Variants in ABLIM1 observed in about 807,000 individuals in gnomAD.
The protein encoded by ABLIM1 is actin-binding LIM protein 1.
ABLIM1 carries 40 observed loss-of-function variants against 107.0 expected under a neutral mutation model. That is an observed-to-expected ratio of 0.37 (90% CI 0.29 to 0.49). The LOEUF is 0.49. Ranked by LOEUF, ABLIM1 falls within the 20% of genes least tolerant of loss-of-function variation. The probability of loss-of-function intolerance (pLI) is 0.97; values close to 1 mark genes in which losing one functional copy is unlikely to be tolerated. For synonymous variants in ABLIM1, 357 were observed against 357.3 expected, an observed-to-expected ratio of 1.00 and a Z score of 0.01; for missense variants, 857 against 1,008.5, an observed-to-expected ratio of 0.85 and a Z score of 2.04.
intron 1 of ABLIM1, among the ~76,000 whole-genome samples, chr10:114,716,232 CAGA>C (rs1185686396): frequency 2.0e-5 from 3 of 152,168 alleles, no homozygotes; most frequent in African/African-American, 4.8e-5. Context: ...GGAGAAAATA[CAGA>C]AGCTTTTGTC....
At chr10:114,470,313 C>T (rs746338997) in intron 10 of ABLIM1, among the ~76,000 whole-genome samples, 2 of 149,484 alleles carry the variant, frequency 1.3e-5, no homozygotes, top group Non-Finnish European at 3.0e-5. Flanking sequence ...GTCTCAGCTA[C>T]TTGGGAAGCT....
At chr10:114,632,362 A>G (rs1339308637) in intron 1 of ABLIM1, 3 of 985,456 alleles carry the variant, frequency 3.0e-6, no homozygotes, top group East Asian at 1.1e-4. Flanking sequence ...AGGACCGAGC[A>G]CCAGCTAGAG....
intron 1 of ABLIM1, among the ~76,000 whole-genome samples, chr10:114,750,098 C>A (rs2082478455): frequency 6.6e-6 from 1 of 152,072 alleles, no homozygotes; most frequent in African/African-American, 2.4e-5. Context: ...CTGTTGTGTG[C>A]ACTGCTACAG....
the ABLIM1 span, among the ~76,000 whole-genome samples, chr10:114,787,188 C>G: frequency 6.6e-6 from 1 of 151,268 alleles, no homozygotes; most frequent in Non-Finnish European, 1.5e-5. Context: ...CCGGCCGCCC[C>G]GTCTGAGAAG....
chr10:114,575,642 T>C, intron 2 of ABLIM1, 43 bp from the exon 3 acceptor site: 3 of 1,582,040 alleles, frequency 1.9e-6, no homozygotes, highest in Non-Finnish European at 2.6e-6. Flanking sequence ...TCTGCCACAC[T>C]GCCGGGCAGC....
intron 1 of ABLIM1, among the ~76,000 whole-genome samples, chr10:114,677,631 C>T (rs1417412129): frequency 4.6e-5 from 7 of 152,100 alleles, no homozygotes; most frequent in Non-Finnish European, 1.0e-4. Context: ...AAAAATGAGC[C>T]ATGTGTGGTG....
chr10:114,612,292 A>G (rs2076859427), intron 1 of ABLIM1, among the ~76,000 whole-genome samples: 2 of 152,186 alleles, frequency 1.3e-5, no homozygotes, highest in African/African-American at 2.4e-5. Flanking sequence ...TTCAGCCCCT[A>G]TCCTCGCTCT....
chr10:114,738,894 GA>G (rs2142256282), intron 1 of ABLIM1, among the ~76,000 whole-genome samples: 1 of 152,272 alleles, frequency 6.6e-6, no homozygotes, highest in South Asian at 2.1e-4. Context: ...ACAAATAAGG[GA>G]AATGATTCCC....
At position 114,547,666 on chromosome 10, in the gene ABLIM1, C is replaced by G; in HGVS notation, c.784G>C (p.Gly262Arg). ...KCKSCGKVLT[G>R]EYISKDGAPY... ...CAGCCTTACTTGCTGATGTACTCCC[C>G]GGTGAGGACCTTCCCGCAGGACTTG... Residue 262 changes from glycine to arginine, a missense_variant, in exon 5 of 23, where the codon GGG (glycine) becomes CGG (arginine). Gly to Arg is a moderately radical substitution (Grantham distance 125). Transcript: ENST00000533213. The G allele has an allele frequency of 6.2e-7, 1 of 1,613,752 alleles. No individual in the cohort carries two copies. Among genetic ancestry groups the G allele is most frequent in the South Asian group, 1.1e-5 (1 of 91,080 alleles).
intron 1 of ABLIM1, among the ~76,000 whole-genome samples, chr10:114,745,444 C>A (rs575737461): frequency 1.3e-5 from 2 of 151,758 alleles, no homozygotes; most frequent in Non-Finnish European, 2.9e-5. Context: ...GCCTGTAATC[C>A]CAGCTACCCA....
chr10:114,771,101 G>A (rs2083019004), upstream of ABLIM1, among the ~76,000 whole-genome samples: 1 of 151,282 alleles, frequency 6.6e-6, no homozygotes, highest in African/African-American at 2.4e-5. Context: ...ACAGTGCTGG[G>A]ATTACAGGCA....
chr10:114,599,891 C>A (rs1238079353), intron 2 of ABLIM1, among the ~76,000 whole-genome samples: 2 of 152,014 alleles, frequency 1.3e-5, no homozygotes, highest in African/African-American at 4.8e-5. Context: ...CAAATCTATC[C>A]TTTGAGCCAT....
At chr10:114,541,136 C>G (rs2066608266) in intron 6 of ABLIM1, among the ~76,000 whole-genome samples, 3 of 152,112 alleles carry the variant, frequency 2.0e-5, no homozygotes, top group Admixed American at 2.0e-4. Flanking sequence ...AAGCAACACA[C>G]AGAGCCATCG....
chr10:114,443,936 G>T, intron 17 of ABLIM1, 93 bp downstream of exon 17: 1 of 1,010,574 alleles, frequency 9.9e-7, no homozygotes, highest in Non-Finnish European at 1.5e-6. Context: ...GGAATACTCT[G>T]TAGGTTCCAC....
At chr10:114,749,006 C>T (rs975667854) in intron 1 of ABLIM1, among the ~76,000 whole-genome samples, 1 of 152,110 alleles carries the variant, frequency 6.6e-6, no homozygotes, top group African/African-American at 2.4e-5. Context: ...GACATACCTG[C>T]ACGTAATCTC....
At chr10:114,664,338 G>A (rs1262694790) in intron 1 of ABLIM1, among the ~76,000 whole-genome samples, 2 of 152,128 alleles carry the variant, frequency 1.3e-5, no homozygotes, top group Non-Finnish European at 2.9e-5. Flanking sequence ...AATAATGTAG[G>A]GGCCCACAAA....
At chr10:114,467,739 G>A (rs1012165202) in intron 11 of ABLIM1, among the ~76,000 whole-genome samples, 8 of 152,282 alleles carry the variant, frequency 5.3e-5, no homozygotes, top group African/African-American at 1.7e-4. Context: ...AAAGTTGCTT[G>A]GTTTTAGGAT....
In ABLIM1 at chr10:114,491,012, G is replaced by GTGTGTGTGTGTATA; in HGVS notation, c.982+778_982+779insTATACACACACACA. Among the ~76,000 whole-genome samples the GTGTGTGTGTGTATA allele has an allele frequency of 9.6e-3, 885 of 92,320 alleles. 18 individuals carry two copies. Among genetic ancestry groups the GTGTGTGTGTGTATA allele is most frequent in the Non-Finnish European group, 0.013 (674 of 50,806 alleles). 60.6% of individuals were successfully genotyped at this position (92,320 alleles called of 152,430 possible). The stretch of plus-strand genomic sequence containing the variant: ...TGTGTGTGTGTGTGTGTGTGTGTGT[G>GTGTGTGTGTGTATA]TATATATATATATGGTCTATTTTAT... On this transcript the variant is annotated intron_variant, in intron 7 of 22. Transcript: ENST00000533213.
At chr10:114,490,752 A>G (rs2058799696) in intron 7 of ABLIM1, among the ~76,000 whole-genome samples, 1 of 151,164 alleles carries the variant, frequency 6.6e-6, no homozygotes. Flanking sequence ...TATATATATA[A>G]TCAGTTTCAT....
Sources: allele counts gnomAD v4.1 joint callset (sites outside exome capture counted in the v4.1 genomes callset), GRCh38; gene constraint gnomAD v4.1.1; transcripts MANE v1.5; gene names NCBI Gene and HGNC (gene_info 2026-07-23, HGNC 2026-07-21).